The following MYO16 variants were observed in gnomAD, a reference collection of about 807,000 sequenced individuals.
The protein encoded by MYO16 is myosin XVI, also known as unconventional myosin-XVI.
In MYO16, 94 loss-of-function variants were observed where a neutral mutation model predicts 205.3. The ratio of observed to expected loss-of-function variants is 0.46; its 90% CI spans 0.39 to 0.54. The LOEUF (loss-of-function observed/expected upper bound fraction) is 0.54, where lower values mean the gene tolerates loss of function less well. Among genes scored for constraint, MYO16 ranks in the 20% least tolerant of loss-of-function variants. The probability of loss-of-function intolerance (pLI) is 0.00; values close to 1 mark genes in which losing one functional copy is unlikely to be tolerated. For synonymous variants in MYO16, 988 were observed against 954.0 expected (o/e 1.04, Z -0.66); for missense variants, 2,315 against 2,387.5 (o/e 0.97, Z 0.63).
At chr13:108,710,640 A>T (rs1027602328) in intron 2 of MYO16, among the ~76,000 whole-genome samples, 1 of 152,210 alleles carries the variant, frequency 6.6e-6, no homozygotes, top group Non-Finnish European at 1.5e-5. Context: ...CTGACAAAAA[A>T]CTGAGACATA....
At chr13:108,736,937 TTGTC>T (rs538017858) in intron 4 of MYO16, among the ~76,000 whole-genome samples, 124 of 151,978 alleles carry the variant, frequency 8.2e-4, no homozygotes, top group African/African-American at 3.0e-3. Flanking sequence ...ATTTGGCTGT[TTGTC>T]TGTTATTCGT....
At chr13:108,655,478 G>A (rs1881201600) in intron 1 of MYO16, among the ~76,000 whole-genome samples, 1 of 152,206 alleles carries the variant, frequency 6.6e-6, no homozygotes, top group Admixed American at 6.5e-5. Flanking sequence ...GCAGCGGCGT[G>A]GCCCTCATGG....
intron 16 of MYO16, among the ~76,000 whole-genome samples, chr13:108,928,814 C>G (rs1882124673): frequency 6.6e-6 from 1 of 152,182 alleles, no homozygotes; most frequent in African/African-American, 2.4e-5. Flanking sequence ...ATACCAAAAT[C>G]TGTACTTTTC....
At chr13:108,553,304 A>G in the MYO16 span, among the ~76,000 whole-genome samples, 2 of 151,956 alleles carry the variant, frequency 1.3e-5, no homozygotes, top group Admixed American at 1.3e-4. Flanking sequence ...ATACTCTTAC[A>G]ATGACAATTA....
rs186624553 is a variant in MYO16 at position 108,644,809 on chromosome 13, G to A, written c.28+14937G>A. Among the ~76,000 whole-genome samples the A allele has an allele frequency of 2.9e-3, 442 of 152,256 alleles. 2 individuals carry two copies. Among genetic ancestry groups the A allele is most frequent in the African/African-American group, 9.4e-3 (389 of 41,536 alleles). On this transcript the variant is annotated intron_variant, in intron 1 of 34. Transcript: ENST00000457511. ...GTTCAACCCTCACACCCATGAACAG[G>A]CCAGAAGACACTGGTTTAAAAATAT...
chr13:109,009,368 T>C (rs1885515604), intron 22 of MYO16, among the ~76,000 whole-genome samples: 1 of 152,166 alleles, frequency 6.6e-6, no homozygotes, highest in South Asian at 2.1e-4. Flanking sequence ...TATAAAATAA[T>C]ACCTAAGATT....
intron 34 of MYO16, among the ~76,000 whole-genome samples, chr13:109,191,348 T>G (rs889573658): frequency 4.6e-5 from 7 of 152,262 alleles, no homozygotes; most frequent in African/African-American, 1.7e-4. Context: ...TTGCTTGCCC[T>G]CATAGAAGTT....
the MYO16 span, among the ~76,000 whole-genome samples, chr13:108,497,414 G>T: frequency 2.3e-3 from 357 of 152,298 alleles, 1 homozygote; most frequent in African/African-American, 7.3e-3. Context: ...TATGACATGT[G>T]ATTAACTTTT....
At position 108,844,473 on chromosome 13, in the gene MYO16, G is replaced by T. The variant is rs771164441; in HGVS notation, c.1228G>T (p.Gly410Cys). The T allele has an allele frequency of 6.2e-7, 1 of 1,609,762 alleles. No individual in the cohort carries two copies. The highest frequency in any genetic ancestry group is 8.5e-7 in the Non-Finnish European group (1 of 1,177,136). ...DSIPENPMMS[G>C]STKPEQVKLM... ...CATCCCTGAAAACCCCATGATGAGCGGTTCCACCAAACCCGAGCAGGTAAT... is the reference window on the plus strand; with the variant it reads ...CATCCCTGAAAACCCCATGATGAGCTGTTCCACCAAACCCGAGCAGGTAAT... The change falls in exon 10 of 35, where the codon GGT (glycine) becomes TGT (cysteine). Residue 410 changes from glycine to cysteine, a missense_variant. Gly to Cys is a radical substitution (Grantham distance 159, BLOSUM62 -3). Coordinates refer to ENST00000457511, the MANE Select transcript of MYO16 (RefSeq NM_001198950.3).
chr13:108,886,499 T>C (rs1342321764), intron 13 of MYO16: 2 of 455,938 alleles, frequency 4.4e-6, no homozygotes, highest in Non-Finnish European at 8.8e-6. Flanking sequence ...AAAGGGAAGC[T>C]CTCAGCAGAG....
intron 16 of MYO16, among the ~76,000 whole-genome samples, chr13:108,930,784 A>G (rs1327174691): frequency 1.3e-5 from 2 of 152,212 alleles, no homozygotes; most frequent in African/African-American, 4.8e-5. Context: ...TGTAAATAAT[A>G]TGTTTGTCCA....
At chr13:108,859,378 C>G (rs1472547458) in intron 11 of MYO16, among the ~76,000 whole-genome samples, 2 of 152,108 alleles carry the variant, frequency 1.3e-5, no homozygotes, top group African/African-American at 4.8e-5. Context: ...TCATCCATAC[C>G]AAATAACTGA....
intron 2 of MYO16, among the ~76,000 whole-genome samples, chr13:108,710,408 G>A (rs930592982): frequency 6.6e-6 from 1 of 152,150 alleles, no homozygotes; most frequent in Non-Finnish European, 1.5e-5. Context: ...CCTCACGTAT[G>A]TTCTGCACTT....
At chr13:109,106,932 G>T (rs942130496) in intron 28 of MYO16, among the ~76,000 whole-genome samples, 1 of 152,176 alleles carries the variant, frequency 6.6e-6, no homozygotes, top group Non-Finnish European at 1.5e-5. Context: ...GGAAGGAGAA[G>T]TTGAGATCTT....
chr13:108,539,013 T>G, the MYO16 span, among the ~76,000 whole-genome samples: 1 of 152,140 alleles, frequency 6.6e-6, no homozygotes, highest in Non-Finnish European at 1.5e-5. Flanking sequence ...CCTGTTCACC[T>G]CTGCCTTTAC....
At chr13:108,562,993 G>T in the MYO16 span, among the ~76,000 whole-genome samples, 2 of 152,116 alleles carry the variant, frequency 1.3e-5, no homozygotes, top group Non-Finnish European at 1.5e-5. Context: ...TCTCTAAAGA[G>T]TACAGGCATT....
intron 2 of MYO16, among the ~76,000 whole-genome samples, chr13:108,673,106 A>G (rs1020572056): frequency 6.6e-6 from 1 of 151,698 alleles, no homozygotes; most frequent in South Asian, 2.1e-4. Flanking sequence ...AGAAACTGCT[A>G]CCTCAGGGCT....
intron 16 of MYO16, among the ~76,000 whole-genome samples, chr13:108,956,685 G>A (rs558159563): frequency 5.3e-5 from 8 of 152,208 alleles, no homozygotes; most frequent in Middle Eastern, 3.4e-3. Context: ...TTATTCCAGG[G>A]ATAACCTGAA....
chr13:109,202,243 T>C (rs1235897770), intron 34 of MYO16, among the ~76,000 whole-genome samples: 1 of 152,160 alleles, frequency 6.6e-6, no homozygotes, highest in Non-Finnish European at 1.5e-5. Flanking sequence ...CTGAGTCAAA[T>C]GGTAATTCTA....
Sources: allele counts gnomAD v4.1 joint callset (sites outside exome capture counted in the v4.1 genomes callset), GRCh38; gene constraint gnomAD v4.1.1; transcripts MANE v1.5; gene names NCBI Gene and HGNC (gene_info 2026-07-23, HGNC 2026-07-21).